Variants in KIFC2 observed in about 807,000 individuals in gnomAD.
KIFC2 encodes the protein kinesin-like protein KIFC2.
KIFC2 carries 94 observed loss-of-function variants against 91.5 expected under a neutral mutation model. The ratio of observed to expected loss-of-function variants is 1.03; its 90% CI spans 0.87 to 1.22. The LOEUF is 1.22. KIFC2 is among the 50% of genes most tolerant of loss of function. The pLI, the probability that KIFC2 is intolerant of heterozygous loss-of-function variation, is 0.00. For synonymous variants in KIFC2, 729 were observed against 503.9 expected, an observed-to-expected ratio of 1.45 and a Z score of -5.98; for missense variants, 1,357 against 1,103.3, an observed-to-expected ratio of 1.23 and a Z score of -3.26.
At chr8:144,467,373 T>C (rs767494517) in intron 4 of KIFC2, 32 bp downstream of exon 4, 2 of 1,567,764 alleles carry the variant, frequency 1.3e-6, no homozygotes, top group African/African-American at 2.7e-5. Flanking sequence ...GAAGAAGAAC[T>C]CTGGAGGGAG....
At position 144,467,471 on chromosome 8, in the gene KIFC2, C is replaced by T. The variant is rs2129979599; in HGVS notation, c.470-14C>T. 6.4e-7 allele frequency: 1 copy of T among 1,551,200 alleles called. No individual in the cohort carries two copies. The highest frequency in any genetic ancestry group is 8.7e-7 in the Non-Finnish European group (1 of 1,152,000). ...GAGACCTCTTCAGTGCTAACTGGGC[C>T]CACCCTACTCCAGGATCCACATCCC... On this transcript the variant is annotated splice_polypyrimidine_tract_variant and intron_variant, in intron 4 of 17. Coordinates refer to ENST00000645548, the MANE Select transcript of KIFC2 (RefSeq NM_001369769.2).
Position 144,472,479 on chromosome 8 carries a change from C to T in KIFC2, c.1726C>T (p.His576Tyr), listed in dbSNP as rs571186362. Residue 576 changes from histidine to tyrosine, a missense_variant, in exon 15 of 18, where the codon CAC (histidine) becomes TAC (tyrosine). Transcript: ENST00000645548. ...GGACGTGCCCAACCTGGAGACATTGCACCAGGTAGGGCTGCACCGCTCTCC... is the reference window on the plus strand; with the variant it reads ...GGACGTGCCCAACCTGGAGACATTGTACCAGGTAGGGCTGCACCGCTCTCC... ...HWDVPNLETL[H>Y]QMLKLGRSNR... is the part of the protein sequence containing the mutation. The T allele has an allele frequency of 4.3e-5, 70 of 1,611,692 alleles. No individual in the cohort carries two copies. In the South Asian group the frequency reaches 7.1e-4, roughly 16 times the overall value.
Position 144,473,899 on chromosome 8 carries a change from C to T in KIFC2, c.*510C>T. On this transcript the variant is annotated 3_prime_UTR_variant, in exon 18 of 18. Transcript: ENST00000645548. ...ATCCACCACTGGGCTCTCCCTCCCCCAGCCTGGAGCACGGGAGGGGAGGTG... is the reference window on the plus strand; with the variant it reads ...ATCCACCACTGGGCTCTCCCTCCCCTAGCCTGGAGCACGGGAGGGGAGGTG... 2.4e-6 allele frequency: 1 copy of T among 423,002 alleles called. No homozygotes were observed. The highest frequency in any genetic ancestry group is 4.0e-5 in the Admixed American group (1 of 24,714). The allele number at this position is 423,002 out of a possible 1,614,324, so 26.2% of individuals were successfully genotyped here.
intron 8 of KIFC2, 32 bp from the exon 9 acceptor site, chr8:144,468,504 C>T: frequency 7.2e-6 from 9 of 1,251,468 alleles, no homozygotes; most frequent in Non-Finnish European, 9.6e-6. Flanking sequence ...TGCCTGTTTC[C>T]TCAGTGACAG....
At chr8:144,470,059 C>G (rs1193284876) in intron 12 of KIFC2, among the ~76,000 whole-genome samples, 2 of 152,260 alleles carry the variant, frequency 1.3e-5, no homozygotes, top group Admixed American at 6.5e-5. Context: ...AAAGCAGGGG[C>G]TTCAGCCCCA....
chr8:144,466,436 C>T lies in KIFC2; in HGVS notation c.17C>T (p.Ser6Leu). 1.5e-6 allele frequency: 2 copies of T among 1,357,384 alleles called. No individual in the cohort carries two copies. The highest frequency in any genetic ancestry group is 9.6e-7 in the Non-Finnish European group (1 of 1,040,962). The allele number at this position is 1,357,384 out of a possible 1,614,324, so 84.1% of individuals were successfully genotyped here. Reference protein sequence around the residue: MYAFYSLLIYIFYSLF... With the variant: MYAFYLLLIYIFYSLF... ...CGCGCTCCCATGTACGCCTTTTACT[C>T]GTTGCTCATCTACATCTTCTACAGC... Residue 6 changes from serine (S) to leucine (L), a missense_variant, in exon 1 of 18, where the codon TCG becomes TTG. Ser to Leu is a moderately radical substitution (Grantham distance 145, BLOSUM62 -2). Coordinates refer to ENST00000645548, the MANE Select transcript of KIFC2 (RefSeq NM_001369769.2).
At position 144,466,536 on chromosome 8, in the gene KIFC2, T is replaced by G; in HGVS notation, c.99+18T>G. On this transcript the variant is annotated intron_variant, in intron 1 of 17. Transcript: ENST00000645548. Reference sequence around the variant, plus strand: ...CCGCCCAGGTGAGCGGGGCTGGCCGTGCAGCCCGTCGTCTCCCGCCGCCTG... The same window carrying G: ...CCGCCCAGGTGAGCGGGGCTGGCCGGGCAGCCCGTCGTCTCCCGCCGCCTG... The G allele has an allele frequency of 8.5e-7, 1 of 1,178,358 alleles. No homozygotes were observed. The highest frequency in any genetic ancestry group is 1.6e-5 in the African/African-American group (1 of 61,216). 73.0% of individuals were successfully genotyped at this position (1,178,358 alleles called of 1,614,324 possible). A position where few individuals can be genotyped will look rare whatever the true frequency, so the allele number is the denominator to read the frequency against.
At chr8:144,472,101 G>C in intron 13 of KIFC2, 37 bp from the exon 14 acceptor site, 5 of 1,613,072 alleles carry the variant, frequency 3.1e-6, no homozygotes, top group Non-Finnish European at 3.4e-6. Flanking sequence ...TGCATGACTT[G>C]GATGTGAGCC....
At chr8:144,467,454 T>C in intron 4 of KIFC2, 31 bp from the exon 5 acceptor site, 12 of 1,544,714 alleles carry the variant, frequency 7.8e-6, no homozygotes, top group Non-Finnish European at 1.0e-5. Context: ...TAGAGACCTC[T>C]TCAGTGCTAA....
intron 10 of KIFC2, 37 bp from the exon 11 acceptor site, chr8:144,469,234 C>G (rs1824825476): frequency 1.3e-6 from 2 of 1,507,718 alleles, no homozygotes; most frequent in South Asian, 1.2e-5. Flanking sequence ...AGCTCCTTGG[C>G]TGACCCCTTG....
Position 144,472,049 on chromosome 8 carries a change from G to A in KIFC2, c.1485+3G>A, listed in dbSNP as rs768650595. 9.9e-6 allele frequency: 16 copies of A among 1,613,464 alleles called. No homozygotes were observed. The highest frequency in any genetic ancestry group is 1.6e-4 in the Middle Eastern group (1 of 6,062). Reference sequence around the variant, plus strand: ...CCGGGAAGACCTACAGCATGGAGGTGGGACAGAGCTCACGCCCCAGTGGGA... The same window carrying A: ...CCGGGAAGACCTACAGCATGGAGGTAGGACAGAGCTCACGCCCCAGTGGGA... On this transcript the variant is annotated splice_donor_region_variant and intron_variant, in intron 13 of 17. Coordinates refer to ENST00000645548, the MANE Select transcript of KIFC2 (RefSeq NM_001369769.2).
Position 144,467,323 on chromosome 8 carries a change from C to A in KIFC2, c.451C>A (p.Arg151=). The change falls in exon 4 of 18, where the codon CGG becomes AGG. Residue 151 remains arginine, a synonymous_variant. Coordinates refer to ENST00000645548, the MANE Select transcript of KIFC2 (RefSeq NM_001369769.2). ...LQGTQPAPRV[R]PPSPDGSTSQ... is the part of the protein sequence containing the mutation. ...GGGGACTCAGCCAGCCCCTCGGGTC[C>A]GGCCCCCCTCTCCAGATGGTGAGTA... The A allele has an allele frequency of 6.2e-7, 1 of 1,608,918 alleles. No individual in the cohort carries two copies.
intron 12 of KIFC2, among the ~76,000 whole-genome samples, chr8:144,470,014 C>T (rs1319374255): frequency 6.6e-6 from 1 of 152,276 alleles, no homozygotes; most frequent in Non-Finnish European, 1.5e-5. Context: ...ATCCCACTCT[C>T]CTTCCCCACC....
At position 144,473,963 on chromosome 8, in the gene KIFC2, A is replaced by G. The variant is rs538984852; in HGVS notation, c.*574A>G. On this transcript the variant is annotated 3_prime_UTR_variant, in exon 18 of 18. Transcript: ENST00000645548. ...GATGGATGGGTAGTGGGCTGAGAAG[A>G]GGGGACTAGGAAGGGCTATTCCAGG... The G allele has an allele frequency of 2.0e-6, 1 of 509,732 alleles. No homozygotes were observed. Among genetic ancestry groups the G allele is most frequent in the East Asian group, 3.2e-5 (1 of 31,562 alleles). The allele number at this position is 509,732 out of a possible 1,614,324, so 31.6% of individuals were successfully genotyped here. A position where few individuals can be genotyped will look rare whatever the true frequency, so the allele number is the denominator to read the frequency against.
At position 144,466,370 on chromosome 8, in the gene KIFC2, CG is replaced by C; in HGVS notation, c.-46del. On this transcript the variant is annotated 5_prime_UTR_variant, in exon 1 of 18. Transcript: ENST00000645548. ...GGCGGGCGGGCGCCGAGTCTGGGCG[CG>C]GGGACGCGGGGCGGCGCGAAGCGGG... 2.5e-6 allele frequency: 2 copies of C among 791,364 alleles called. No homozygotes were observed. The highest frequency in any genetic ancestry group is 1.6e-6 in the Non-Finnish European group (1 of 608,122). 49.0% of individuals were successfully genotyped at this position (791,364 alleles called of 1,614,324 possible).
In KIFC2 at chr8:144,468,532, G is replaced by A; in HGVS notation, c.889-4G>A. 4 of 859,436 alleles carry A rather than the reference G, an allele frequency of 4.7e-6. No homozygotes were observed. The highest frequency in any genetic ancestry group is 6.9e-6 in the Non-Finnish European group (4 of 581,218). The allele number at this position is 859,436 out of a possible 1,614,324, so 53.2% of individuals were successfully genotyped here. ...AGTGACAGGGGTGGGGTTGGGCGGG[G>A]CAGCTGGGGGTGCAGGAGGTGCAGC... On this transcript the variant is annotated splice_region_variant and splice_polypyrimidine_tract_variant and intron_variant, in intron 8 of 17. Coordinates refer to ENST00000645548, the MANE Select transcript of KIFC2 (RefSeq NM_001369769.2).
intron 12 of KIFC2, 63 bp from the exon 13 acceptor site, chr8:144,471,879 C>A: frequency 6.8e-7 from 1 of 1,475,762 alleles, no homozygotes; most frequent in Non-Finnish European, 9.5e-7. Context: ...CCCCACCCCA[C>A]CAAATAGGGC....
In KIFC2 at chr8:144,473,793, G is replaced by C; in HGVS notation, c.*404G>C. On this transcript the variant is annotated 3_prime_UTR_variant, in exon 18 of 18. Transcript: ENST00000645548. ...CACCACCAGGACCATGTAGGGTGCA[G>C]TCTTTACTCCCTAACCCGTTTCCCG... 1 of 376,154 alleles carries C rather than the reference G, an allele frequency of 2.7e-6. No individual in the cohort carries two copies. The allele number at this position is 376,154 out of a possible 1,614,324, so 23.3% of individuals were successfully genotyped here.
In KIFC2 at chr8:144,466,841, A is replaced by G; in HGVS notation, c.178+3A>G. ...GACCGAGCTGACCGGCCTGGCCGGT[A>G]GGTGCGGGCTGGGAGTCCCGCGGTG... On this transcript the variant is annotated splice_donor_region_variant and intron_variant, in intron 2 of 17. Coordinates refer to ENST00000645548, the MANE Select transcript of KIFC2 (RefSeq NM_001369769.2). The G allele has an allele frequency of 2.0e-6, 3 of 1,537,006 alleles. No individual in the cohort carries two copies. The highest frequency in any genetic ancestry group is 2.6e-6 in the Non-Finnish European group (3 of 1,148,262).
Sources: gnomAD v4.1 joint callset for allele counts (sites outside exome capture counted in the v4.1 genomes callset) on GRCh38, gnomAD v4.1.1 for gene constraint, MANE v1.5 for transcripts, NCBI Gene and HGNC (gene_info 2026-07-23, HGNC 2026-07-21) for gene names.